DGKB: variants seen among roughly 807,000 people sequenced by gnomAD.
The protein encoded by DGKB is 90 kDa diacylglycerol kinase.
Under a neutral mutation model 114.3 loss-of-function variants are expected in DGKB, and 67 were observed. The observed-to-expected ratio is 0.59, with a 90% confidence interval of 0.48 to 0.72. The LOEUF is 0.72. DGKB is among the 30% of genes least tolerant of loss of function. The pLI is 0.00. For synonymous variants in DGKB, 398 were observed against 323.1 expected (o/e 1.23, Z -2.49); for missense variants, 907 against 975.2 (o/e 0.93, Z 0.93).
Position 14,682,752 on chromosome 7 carries a change from C to A in DGKB, c.918+1G>T. 6.2e-7 allele frequency: 1 copy of A among 1,612,286 alleles called. No individual in the cohort carries two copies. The highest frequency in any genetic ancestry group is 8.5e-7 in the Non-Finnish European group (1 of 1,178,694). ...GAAAGCAAGCATGCACACAAACTTA[C>A]ATCAGTGTTCCTTTTGGACTTCACA... On this transcript the variant is annotated splice_donor_variant, in intron 11 of 25. Transcript: ENST00000402815. LOFTEE classifies it high-confidence loss of function.
chr7:14,363,690 G>T (rs931908669), intron 21 of DGKB, among the ~76,000 whole-genome samples: 2 of 152,010 alleles, frequency 1.3e-5, no homozygotes, highest in African/African-American at 4.8e-5. Flanking sequence ...AAAAGAAAAA[G>T]AAAATTTGGG....
chr7:14,346,268 C>A (rs1301003759), intron 21 of DGKB, among the ~76,000 whole-genome samples: 1 of 151,802 alleles, frequency 6.6e-6, no homozygotes, highest in East Asian at 1.9e-4. Flanking sequence ...AAAGGCCTTA[C>A]TACTTAATTC....
At chr7:14,358,319 C>T (rs1423850017) in intron 21 of DGKB, among the ~76,000 whole-genome samples, 1 of 151,744 alleles carries the variant, frequency 6.6e-6, no homozygotes. Context: ...TCTAAACTTC[C>T]TGCTTTATTT....
intron 23 of DGKB, among the ~76,000 whole-genome samples, chr7:14,234,735 G>A (rs1040775536): frequency 6.6e-6 from 1 of 151,938 alleles, no homozygotes; most frequent in Non-Finnish European, 1.5e-5. Context: ...AAATCTCATG[G>A]AACTTAGAAA....
chr7:14,309,352 C>A (rs1433438094), intron 23 of DGKB, among the ~76,000 whole-genome samples: 1 of 152,144 alleles, frequency 6.6e-6, no homozygotes, highest in Non-Finnish European at 1.5e-5. Flanking sequence ...AAAGCAAACA[C>A]CACACTGATT....
chr7:14,841,444 TAAA>T lies in DGKB; in HGVS notation c.-184_-182del. The stretch of plus-strand genomic sequence containing the variant: ...GATGCTTGTAATTTCAATAATGTGT[TAAA>T]GAACTGCAAAAAAAAAAAACAGATC... On this transcript the variant is annotated 5_prime_UTR_variant, in exon 2 of 26. Coordinates refer to ENST00000402815, the MANE Select transcript of DGKB (RefSeq NM_001350709.2). 1 of 373,662 alleles carries T rather than the reference TAAA, an allele frequency of 2.7e-6. No homozygotes were observed. Among genetic ancestry groups the T allele is most frequent in the Admixed American group, 6.3e-5 (1 of 15,794 alleles). 23.1% of individuals were successfully genotyped at this position (373,662 alleles called of 1,614,324 possible).
At chr7:14,547,132 C>G (rs931836491) in intron 20 of DGKB, among the ~76,000 whole-genome samples, 3 of 152,048 alleles carry the variant, frequency 2.0e-5, no homozygotes, top group Admixed American at 1.3e-4. Context: ...TCCTTTTCTC[C>G]TTTTCTTTTG....
intron 21 of DGKB, among the ~76,000 whole-genome samples, chr7:14,453,082 G>A (rs1431507711): frequency 6.6e-6 from 1 of 152,098 alleles, no homozygotes; most frequent in Admixed American, 6.6e-5. Context: ...CTACGCTCCA[G>A]GCACTGTTCT....
intron 1 of DGKB, among the ~76,000 whole-genome samples, chr7:14,953,927 A>T (rs777834969): frequency 6.6e-6 from 1 of 152,082 alleles, no homozygotes; most frequent in South Asian, 2.1e-4. Flanking sequence ...CATCACCTGG[A>T]AACTTGTTAG....
At chr7:14,942,840 C>T (rs1785644425) in intron 1 of DGKB, among the ~76,000 whole-genome samples, 1 of 151,998 alleles carries the variant, frequency 6.6e-6, no homozygotes, top group Non-Finnish European at 1.5e-5. Context: ...TTTTGCATTT[C>T]ACTTGCAATC....
chr7:14,274,865 T>C (rs898049248), intron 23 of DGKB, among the ~76,000 whole-genome samples: 1 of 152,032 alleles, frequency 6.6e-6, no homozygotes, highest in Admixed American at 6.6e-5. Context: ...CTAAAAGGCC[T>C]CACCTCTAAA....
chr7:14,786,516 CG>C (rs745912478), intron 2 of DGKB, among the ~76,000 whole-genome samples: 1 of 152,172 alleles, frequency 6.6e-6, no homozygotes, highest in African/African-American at 2.4e-5. Context: ...TCCCTGGAGC[CG>C]GGGGGAACCA....
At position 14,349,133 on chromosome 7, in the gene DGKB, T is replaced by C. The variant is rs138504673; in HGVS notation, c.1836-3742A>G. The stretch of plus-strand genomic sequence containing the variant: ...AGTTATTGCAATAATTCATATAAAA[T>C]ATAATTGAAGGCCTAACCAAATGGC... On this transcript the variant is annotated intron_variant, in intron 21 of 25. Coordinates refer to ENST00000402815, the MANE Select transcript of DGKB (RefSeq NM_001350709.2). Among the ~76,000 whole-genome samples the C allele has an allele frequency of 1.2e-4, 19 of 152,068 alleles. No individual in the cohort carries two copies. In the East Asian group the frequency reaches 3.5e-3, roughly 28 times the overall value.
At chr7:14,471,012 T>A (rs1304363541) in intron 21 of DGKB, among the ~76,000 whole-genome samples, 6 of 151,268 alleles carry the variant, frequency 4.0e-5, no homozygotes, top group African/African-American at 1.4e-4. Context: ...CATTATATTC[T>A]AGAACTTTAA....
At chr7:14,327,326 A>T (rs943335589) in intron 23 of DGKB, among the ~76,000 whole-genome samples, 3 of 152,196 alleles carry the variant, frequency 2.0e-5, no homozygotes, top group Admixed American at 6.6e-5. Context: ...AAGCAAACAG[A>T]AATTTAAAAT....
chr7:14,495,313 T>C (rs555014534), intron 20 of DGKB, among the ~76,000 whole-genome samples: 1 of 151,906 alleles, frequency 6.6e-6, no homozygotes, highest in Non-Finnish European at 1.5e-5. Flanking sequence ...AAACCTTTTG[T>C]GCTTTAAAAG....
chr7:14,590,625 C>T (rs1397087193), intron 17 of DGKB, among the ~76,000 whole-genome samples: 1 of 152,062 alleles, frequency 6.6e-6, no homozygotes, highest in Non-Finnish European at 1.5e-5. Flanking sequence ...TCCATTCAAT[C>T]CATGCAGTTT....
chr7:14,953,716 A>G (rs1249954184), intron 1 of DGKB, among the ~76,000 whole-genome samples: 1 of 152,134 alleles, frequency 6.6e-6, no homozygotes, highest in African/African-American at 2.4e-5. Context: ...AAAAATGAGA[A>G]CATATGCTCA....
At chr7:14,210,254 A>C (rs1361532445) in intron 23 of DGKB, among the ~76,000 whole-genome samples, 1 of 152,068 alleles carries the variant, frequency 6.6e-6, no homozygotes, top group Admixed American at 6.6e-5. Flanking sequence ...GCCAAGCAAG[A>C]AGCAGCAATG....
Sources: allele counts gnomAD v4.1 joint callset (sites outside exome capture counted in the v4.1 genomes callset), GRCh38; gene constraint gnomAD v4.1.1; transcripts MANE v1.5; gene names NCBI Gene and HGNC (gene_info 2026-07-23, HGNC 2026-07-21).